FAT4: variants seen among roughly 807,000 people sequenced by gnomAD.
FAT4 encodes protocadherin Fat 4.
FAT4 carries 84 observed loss-of-function variants against 303.9 expected under a neutral mutation model. The observed-to-expected ratio is 0.28, with a 90% CI of 0.23 to 0.33. The LOEUF (loss-of-function observed/expected upper bound fraction) is 0.33. Among genes scored for constraint, FAT4 ranks in the 10% least tolerant of loss-of-function variants. The pLI, the probability that FAT4 is intolerant of heterozygous loss-of-function variation, is 1.00. For synonymous variants in FAT4, 2,307 were observed against 2,298.8 expected (o/e 1.00, Z -0.10); for missense variants, 6,005 against 6,146.8 (o/e 0.98, Z 0.77).
chr4:125,317,773 G>A lies in FAT4; in HGVS notation c.1362G>A (p.Ala454=), dbSNP rs1474299018. The part of the protein sequence containing the change: ...YGAPPGAAVQ[A]RSSVASLVIF... Reference sequence around the variant, plus strand: ...CGCCCCCTGGCGCAGCAGTCCAGGCGCGCTCTTCTGTGGCAAGCCTGGTGA... The same window carrying A: ...CGCCCCCTGGCGCAGCAGTCCAGGCACGCTCTTCTGTGGCAAGCCTGGTGA... The change falls in exon 2 of 18, where the codon GCG becomes GCA. Residue 454 remains alanine, a synonymous_variant. Transcript: ENST00000394329. This position sits in a 1 kb window ranked among gnomAD's most constrained non-coding sequence, Gnocchi z 7.0. The A allele has an allele frequency of 4.3e-6, 7 of 1,614,146 alleles. No homozygotes were observed. The East Asian group carries it at 1.6e-4, about 36-fold the overall frequency.
chr4:125,359,252 C>T (rs1732553211), intron 2 of FAT4, among the ~76,000 whole-genome samples: 1 of 152,054 alleles, frequency 6.6e-6, no homozygotes, highest in Non-Finnish European at 1.5e-5. Flanking sequence ...GATAATTCAC[C>T]CCACGTCTTA....
chr4:125,329,661 G>A (rs1731298618), intron 2 of FAT4, among the ~76,000 whole-genome samples: 2 of 152,038 alleles, frequency 1.3e-5, no homozygotes, highest in South Asian at 4.2e-4. Context: ...TGTCTTTTCT[G>A]AACCCTACAT....
In FAT4 at chr4:125,477,319, A is replaced by C. The variant is rs772179574; in HGVS notation, c.12464A>C (p.Gln4155Pro). 3 of 1,582,092 alleles carry C rather than the reference A, an allele frequency of 1.9e-6. No homozygotes were observed. The East Asian group carries it at 6.9e-5, about 37-fold the overall frequency. ...PLEPSQALAA[Q>P]GILDQCPRLE... Reference sequence around the variant, plus strand: ...GAACCCAGCCAAGCTTTGGCAGCACAAGGCATCCTAGATCAGTATGGCGAT... The same window carrying C: ...GAACCCAGCCAAGCTTTGGCAGCACCAGGCATCCTAGATCAGTATGGCGAT... The change falls in exon 14 of 18, where the codon CAA becomes CCA. Residue 4155 changes from glutamine to proline, a missense_variant. By Grantham distance (76) the Gln-to-Pro change is moderately conservative. Coordinates refer to ENST00000394329, the MANE Select transcript of FAT4 (RefSeq NM_001291303.3).
intron 7 of FAT4, among the ~76,000 whole-genome samples, chr4:125,420,018 G>A (rs1735223978): frequency 6.6e-6 from 1 of 152,142 alleles, no homozygotes; most frequent in Non-Finnish European, 1.5e-5. Flanking sequence ...GAGCTGTTTG[G>A]TTTGGTTTGG....
At chr4:125,328,768 G>A (rs1011991494) in intron 2 of FAT4, among the ~76,000 whole-genome samples, 1 of 152,174 alleles carries the variant, frequency 6.6e-6, no homozygotes, top group African/African-American at 2.4e-5. Flanking sequence ...AGAATACTGA[G>A]GCTCATGGAG....
intron 2 of FAT4, among the ~76,000 whole-genome samples, chr4:125,361,419 G>A (rs1026533933): frequency 2.6e-5 from 4 of 152,154 alleles, no homozygotes; most frequent in Non-Finnish European, 4.4e-5. Context: ...TAGTGATGGG[G>A]TAGAGGCCCA....
chr4:125,384,818 C>T (rs1322030970), intron 2 of FAT4, among the ~76,000 whole-genome samples: 2 of 151,666 alleles, frequency 1.3e-5, no homozygotes, highest in African/African-American at 4.8e-5. Flanking sequence ...AAGCAACAAG[C>T]AAAGGGCCTG....
In FAT4 at chr4:125,408,732, T is replaced by TAATGGAGA; in HGVS notation, c.5860_5867dup (p.Asn1956LysfsTer27). ...AGCTTGAATTCATACAGCACATCTT[T>TAATGGAGA]AATGGAGAATCTACCTGTGGGATCT... On this transcript the variant is annotated frameshift_variant, in exon 5 of 18. Transcript: ENST00000394329. LOFTEE classifies it high-confidence loss of function. 1.2e-6 allele frequency: 2 copies of TAATGGAGA among 1,609,350 alleles called. No homozygotes were observed. Among genetic ancestry groups the TAATGGAGA allele is most frequent in the Non-Finnish European group, 1.7e-6 (2 of 1,177,154 alleles).
At chr4:125,444,259 C>A (rs1725753810) in intron 8 of FAT4, among the ~76,000 whole-genome samples, 1 of 152,058 alleles carries the variant, frequency 6.6e-6, no homozygotes, top group Non-Finnish European at 1.5e-5. Context: ...GGGCATGGGG[C>A]CTGCTTTTGG....
intron 7 of FAT4, among the ~76,000 whole-genome samples, chr4:125,417,780 G>GC (rs1735130613): frequency 6.6e-6 from 1 of 152,142 alleles, no homozygotes; most frequent in East Asian, 1.9e-4. Flanking sequence ...TTGTTTCAAA[G>GC]CACAGCTCTC....
chr4:125,471,909 A>AAAT, intron 12 of FAT4, among the ~76,000 whole-genome samples: 1 of 139,724 alleles, frequency 7.2e-6, no homozygotes, highest in African/African-American at 2.8e-5. Context: ...AAAAAAAAAA[A>AAAT]AAAAAAAAAA....
chr4:125,328,994 G>T (rs1365714484), intron 2 of FAT4, among the ~76,000 whole-genome samples: 1 of 152,064 alleles, frequency 6.6e-6, no homozygotes, highest in Non-Finnish European at 1.5e-5. Flanking sequence ...AAGATAAAAT[G>T]AAATTTTGGT....
rs1727695661 is a variant in FAT4, at chr4:125,492,754, G to C, written c.*986G>C. The C allele has an allele frequency of 6.6e-6, 1 of 152,230 alleles. No individual in the cohort carries two copies. Among genetic ancestry groups the C allele is most frequent in the Non-Finnish European group, 1.5e-5 (1 of 67,958 alleles). 9.4% of individuals were successfully genotyped at this position (152,230 alleles called of 1,614,324 possible). ...TTTTTTACACCTAAGCTGTGTTTTT[G>C]ATACTGATATTTTCCTATGCTGAAT... On this transcript the variant is annotated 3_prime_UTR_variant, in exon 18 of 18. Transcript: ENST00000394329.
intron 2 of FAT4, among the ~76,000 whole-genome samples, chr4:125,385,659 A>G (rs1198769969): frequency 6.6e-6 from 1 of 152,162 alleles, no homozygotes; most frequent in African/African-American, 2.4e-5. Flanking sequence ...GTATTATTTC[A>G]TGGAGATGGT....
rs914090672 is a variant in FAT4, at chr4:125,481,772, T to A, written c.12822+34T>A. The A allele has an allele frequency of 2.9e-5, 45 of 1,573,688 alleles. No individual in the cohort carries two copies. The Admixed American group carries it at 7.5e-4, about 26-fold the overall frequency. On this transcript the variant is annotated intron_variant, in intron 16 of 17. Transcript: ENST00000394329. ...AAAGCTAATGGTGACTTCATTTGAT[T>A]AGACCGCCTGCCGTGTAGTGGTTTA...
Position 125,429,584 on chromosome 4 carries a change from A to T in FAT4, c.7019-4661A>T, listed in dbSNP as rs531252589. Among the ~76,000 whole-genome samples, 20 of 152,348 alleles carry T rather than the reference A, an allele frequency of 1.3e-4. No homozygotes were observed. In the South Asian group the frequency reaches 3.9e-3, roughly 30 times the overall value. On this transcript the variant is annotated intron_variant, in intron 7 of 17. Coordinates refer to ENST00000394329, the MANE Select transcript of FAT4 (RefSeq NM_001291303.3). Reference sequence around the variant, plus strand: ...GGGTCTTAAGTTGTTTAACAAAATCAAACAAGAATACCTACTTTATGGAAT... The same window carrying T: ...GGGTCTTAAGTTGTTTAACAAAATCTAACAAGAATACCTACTTTATGGAAT...
chr4:125,471,906 A>C (rs1726873797), intron 12 of FAT4, among the ~76,000 whole-genome samples: 2 of 138,410 alleles, frequency 1.4e-5, no homozygotes, highest in South Asian at 4.5e-4. Context: ...AAAAAAAAAA[A>C]AAAAAAAAAA....
chr4:125,320,113 C>T lies in FAT4; in HGVS notation c.3702C>T (p.Ala1234=). The change falls in exon 2 of 18, where the codon GCC becomes GCT. Residue 1234 remains alanine (A), a synonymous_variant. Transcript: ENST00000394329. ...ANLTQVLRVS[A]SDVDEGNNGL... ...TGACACAAGTGTTAAGAGTATCTGC[C>T]TCAGATGTTGATGAAGGTAATAATG... 1 of 1,613,844 alleles carries T rather than the reference C, an allele frequency of 6.2e-7. No individual in the cohort carries two copies. Among genetic ancestry groups the T allele is most frequent in the Non-Finnish European group, 8.5e-7 (1 of 1,179,814 alleles).
At chr4:125,460,272 C>A (rs1474380338) in intron 10 of FAT4, among the ~76,000 whole-genome samples, 1 of 151,882 alleles carries the variant, frequency 6.6e-6, no homozygotes, top group Non-Finnish European at 1.5e-5. Context: ...CAAACAAAGC[C>A]ATTTTATCTA....
Sources: gnomAD v4.1 joint callset for allele counts (sites outside exome capture counted in the v4.1 genomes callset) on GRCh38, gnomAD v4.1.1 for gene constraint, Gnocchi (gnomAD v3.1) non-coding constraint, MANE v1.5 for transcripts, NCBI Gene and HGNC (gene_info 2026-07-23, HGNC 2026-07-21) for gene names.